The following PRSS3 variants were observed in gnomAD, a reference collection of about 807,000 sequenced individuals.
PRSS3 encodes the protein trypsin-3.
In PRSS3, 14 loss-of-function variants were observed where a neutral mutation model predicts 20.8. The ratio of observed to expected loss-of-function variants is 0.67; its 90% CI spans 0.44 to 1.05. The LOEUF is 1.05. Among genes scored for constraint, PRSS3 ranks in the 50% least tolerant of loss-of-function variants. The pLI, the probability that PRSS3 is intolerant of heterozygous loss-of-function variation, is 0.00. For synonymous variants in PRSS3, 91 were observed against 117.6 expected, an observed-to-expected ratio of 0.77 and a Z score of 1.46; for missense variants, 237 against 306.4, an observed-to-expected ratio of 0.77 and a Z score of 1.69.
At chr9:33,780,225 CA>C (rs1360506922) in intron 1 of PRSS3, among the ~76,000 whole-genome samples, 1 of 152,160 alleles carries the variant, frequency 6.6e-6, no homozygotes, top group African/African-American at 2.4e-5. Context: ...GACTTCTCAG[CA>C]GAAAACTTAT....
chr9:33,774,148 T>G (rs1823821858), intron 1 of PRSS3, among the ~76,000 whole-genome samples: 1 of 152,208 alleles, frequency 6.6e-6, no homozygotes, highest in Non-Finnish European at 1.5e-5. Flanking sequence ...TCCAAATTAT[T>G]TAGAAGTCCA....
intron 1 of PRSS3, among the ~76,000 whole-genome samples, chr9:33,757,367 C>G (rs1401864472): frequency 2.0e-5 from 3 of 152,178 alleles, no homozygotes; most frequent in Non-Finnish European, 1.5e-5. Context: ...TCTAATACCT[C>G]TAGAATTTGG....
At chr9:33,766,865 G>A (rs1181317235) in intron 1 of PRSS3, among the ~76,000 whole-genome samples, 1 of 151,734 alleles carries the variant, frequency 6.6e-6, no homozygotes, top group Non-Finnish European at 1.5e-5. Flanking sequence ...TATAAAATTA[G>A]ATAGCAATAA....
At chr9:33,767,198 T>C (rs1823472684) in intron 1 of PRSS3, among the ~76,000 whole-genome samples, 1 of 152,190 alleles carries the variant, frequency 6.6e-6, no homozygotes, top group African/African-American at 2.4e-5. Flanking sequence ...CTCACACCTG[T>C]AATCCCAGCA....
intron 1 of PRSS3, among the ~76,000 whole-genome samples, chr9:33,771,200 T>G (rs1032113107): frequency 1.1e-4 from 16 of 152,084 alleles, no homozygotes; most frequent in Admixed American, 7.9e-4. Context: ...GAAATCCCAC[T>G]TACTCCCTCT....
intron 1 of PRSS3, among the ~76,000 whole-genome samples, chr9:33,768,954 T>C (rs1188848026): frequency 6.6e-6 from 1 of 152,210 alleles, no homozygotes; most frequent in Admixed American, 6.5e-5. Context: ...AATATGAATG[T>C]TAAAGGTACT....
Position 33,750,969 on chromosome 9 carries a change from G to C in PRSS3, c.-53+242G>C, listed in dbSNP as rs1822664493. 7 of 980,600 alleles carry C rather than the reference G, an allele frequency of 7.1e-6. No homozygotes were observed. Among genetic ancestry groups the C allele is most frequent in the Non-Finnish European group, 9.5e-6 (7 of 739,740 alleles). 60.7% of individuals were successfully genotyped at this position (980,600 alleles called of 1,614,324 possible). On this transcript the variant is annotated intron_variant, in intron 1 of 5. Coordinates refer to the PRSS3 transcript ENST00000342836. This position sits in a 1 kb window ranked among gnomAD's most constrained non-coding sequence, Gnocchi z 4.8. The stretch of plus-strand genomic sequence containing the variant: ...CTGGTGTCGCAGAAGCCCACCTGGG[G>C]CCCCCTCCGGGCTGCGGCACCGATG...
At chr9:33,771,645 G>GT (rs112204565) in intron 1 of PRSS3, among the ~76,000 whole-genome samples, 2,855 of 78,758 alleles carry the variant, frequency 0.036, 71 homozygotes, top group East Asian at 0.14. Flanking sequence ...TTGTTTTTTT[G>GT]TTTTTTTTTT....
chr9:33,797,039 C>A (rs935089880), intron 2 of PRSS3, among the ~76,000 whole-genome samples: 5 of 150,752 alleles, frequency 3.3e-5, no homozygotes, highest in African/African-American at 1.2e-4. Context: ...CAAAAGCAGG[C>A]AAGTACCTTT....
chr9:33,784,661 T>C (rs191248921), intron 1 of PRSS3, among the ~76,000 whole-genome samples: 55 of 152,360 alleles, frequency 3.6e-4, no homozygotes, highest in Admixed American at 5.9e-4. Flanking sequence ...AGGTATTTAA[T>C]AGAACATCGT....
At chr9:33,767,388 C>T (rs1463892042) in intron 1 of PRSS3, among the ~76,000 whole-genome samples, 1 of 152,158 alleles carries the variant, frequency 6.6e-6, no homozygotes, top group Admixed American at 6.5e-5. Flanking sequence ...TTTTGTCTCC[C>T]CCACCTCCAA....
chr9:33,797,922 A>T lies in PRSS3; in HGVS notation c.294A>T (p.Lys98Asn). The change falls in exon 3 of 5, where the codon AAA becomes AAT. Residue 98 changes from lysine to asparagine, a missense_variant. Coordinates refer to ENST00000379405, the MANE Select transcript of PRSS3 (RefSeq NM_002771.4). ...CGGCCAAGATCATCCGCCACCCTAA[A>T]TACAACAGGGACACTCTGGACAATG... Reference protein sequence around the residue: ...INAAKIIRHPKYNRDTLDNDI... With the variant: ...INAAKIIRHPNYNRDTLDNDI... The T allele has an allele frequency of 6.2e-7, 1 of 1,614,212 alleles. No homozygotes were observed. Among genetic ancestry groups the T allele is most frequent in the Non-Finnish European group, 8.5e-7 (1 of 1,180,026 alleles).
At chr9:33,789,400 C>T (rs1824537581) in intron 1 of PRSS3, among the ~76,000 whole-genome samples, 1 of 152,170 alleles carries the variant, frequency 6.6e-6, no homozygotes, top group Non-Finnish European at 1.5e-5. Flanking sequence ...GACTGTTCAG[C>T]GACCATGAAT....
upstream of PRSS3, among the ~76,000 whole-genome samples, chr9:33,792,143 A>C (rs1824659927): frequency 6.6e-6 from 1 of 152,174 alleles, no homozygotes; most frequent in Non-Finnish European, 1.5e-5. Context: ...ATAAAGCGAA[A>C]TTGTGCCGTG....
intron 4 of PRSS3, 22 bp from the exon 5 acceptor site, chr9:33,799,006 A>T: frequency 1.2e-6 from 2 of 1,612,656 alleles, no homozygotes; most frequent in South Asian, 2.2e-5. Context: ...TCTTTATACA[A>T]CTTGTCCCTT....
intron 1 of PRSS3, among the ~76,000 whole-genome samples, chr9:33,767,024 C>G (rs1823464616): frequency 6.6e-6 from 1 of 150,800 alleles, no homozygotes; most frequent in Admixed American, 6.6e-5. Context: ...CTTAGGGTGA[C>G]TTTCAGAGCC....
intron 1 of PRSS3, among the ~76,000 whole-genome samples, chr9:33,761,647 C>T (rs1353790554): frequency 1.3e-5 from 2 of 151,580 alleles, no homozygotes; most frequent in African/African-American, 4.9e-5. Flanking sequence ...TGGAGGTTGC[C>T]GTGAGCTGAG....
chr9:33,794,686 A>C (rs2119099215), upstream of PRSS3: 1 of 1,482,686 alleles, frequency 6.7e-7, no homozygotes, highest in African/African-American at 1.4e-5. Flanking sequence ...GGGGCATGTC[A>C]TTCTGGTTCA....
chr9:33,768,494 A>C (rs1176227786), intron 1 of PRSS3, among the ~76,000 whole-genome samples: 4 of 151,738 alleles, frequency 2.6e-5, no homozygotes, highest in Non-Finnish European at 5.9e-5. Flanking sequence ...AAAAAAAAAC[A>C]ACAACAGAAA....
Sources: allele counts gnomAD v4.1 joint callset (sites outside exome capture counted in the v4.1 genomes callset), GRCh38; gene constraint gnomAD v4.1.1; non-coding constraint Gnocchi (gnomAD v3.1); transcripts MANE v1.5; gene names NCBI Gene and HGNC (gene_info 2026-07-23, HGNC 2026-07-21).